The following GTF2E2 variants were observed in gnomAD, a reference collection of about 807,000 sequenced individuals.
GTF2E2 encodes the protein general transcription factor IIE subunit 2, also known as transcription initiation factor IIE subunit beta.
In GTF2E2, 21 loss-of-function variants were observed where a neutral mutation model predicts 40.5. The observed-to-expected ratio is 0.52, with a 90% CI of 0.37 to 0.75. The LOEUF is 0.75. Among genes scored for constraint, GTF2E2 ranks in the 30% least tolerant of loss-of-function variants. GTF2E2 has a pLI of 0.00. For synonymous variants in GTF2E2, 117 were observed against 121.6 expected (o/e 0.96, Z 0.25); for missense variants, 298 against 338.4 (o/e 0.88, Z 0.94).
At chr8:30,637,395 C>T (rs1420393365) in intron 2 of GTF2E2, 1 of 419,742 alleles carries the variant, frequency 2.4e-6, no homozygotes, top group Non-Finnish European at 4.7e-6. Context: ...ACTACTAACT[C>T]AATGTCAAGC....
intron 6 of GTF2E2, among the ~76,000 whole-genome samples, chr8:30,599,955 C>T (rs773256578): frequency 2.6e-5 from 4 of 152,120 alleles, no homozygotes; most frequent in African/African-American, 7.2e-5. Flanking sequence ...TGCACCCCAG[C>T]CTGGTGACAA....
chr8:30,645,355 T>TAC, intron 2 of GTF2E2: 1 of 1,535,716 alleles, frequency 6.5e-7, no homozygotes, highest in Non-Finnish European at 8.7e-7. Flanking sequence ...TGTTTATCAG[T>TAC]ACCTTGGTTT....
At chr8:30,621,660 T>G (rs959965389) in intron 3 of GTF2E2, among the ~76,000 whole-genome samples, 1 of 152,090 alleles carries the variant, frequency 6.6e-6, no homozygotes, top group African/African-American at 2.4e-5. Context: ...TATTGCAAAT[T>G]TGTAGAAATT....
chr8:30,648,777 A>G (rs138036151), intron 2 of GTF2E2, among the ~76,000 whole-genome samples: 77 of 152,334 alleles, frequency 5.1e-4, no homozygotes, highest in African/African-American at 1.7e-3. Flanking sequence ...ACTTCTACCA[A>G]TCCATGATAA....
At chr8:30,598,491 T>C (rs1016845434) in intron 6 of GTF2E2, among the ~76,000 whole-genome samples, 1 of 152,250 alleles carries the variant, frequency 6.6e-6, no homozygotes, top group African/African-American at 2.4e-5. Flanking sequence ...TAAAGTCACT[T>C]GAGCTATTTT....
At chr8:30,598,000 C>T (rs956237891) in intron 6 of GTF2E2, among the ~76,000 whole-genome samples, 36 of 152,170 alleles carry the variant, frequency 2.4e-4, no homozygotes, top group African/African-American at 8.2e-4. Context: ...GAAACTATAT[C>T]CTACCAAAGA....
chr8:30,632,852 A>C (rs1801481751), intron 3 of GTF2E2, among the ~76,000 whole-genome samples: 1 of 152,186 alleles, frequency 6.6e-6, no homozygotes, highest in Non-Finnish European at 1.5e-5. Context: ...GATTTTTGAC[A>C]TATAACTTGG....
chr8:30,603,330 C>T (rs543750405), intron 6 of GTF2E2, among the ~76,000 whole-genome samples: 9 of 151,906 alleles, frequency 5.9e-5, no homozygotes, highest in Middle Eastern at 3.4e-3. Context: ...ATAATAAAGA[C>T]GGTAAATGTA....
At chr8:30,631,329 A>G (rs2979496) in intron 3 of GTF2E2, among the ~76,000 whole-genome samples, 115,020 of 152,168 alleles carry the variant, frequency 0.76, 43,899 homozygotes, top group Middle Eastern at 0.8. Flanking sequence ...GAATTTAAAT[A>G]TAAGTAATTC....
At chr8:30,638,485 T>C (rs1413925244) in intron 2 of GTF2E2, 2 of 152,542 alleles carry the variant, frequency 1.3e-5, no homozygotes, top group Admixed American at 6.5e-5. Context: ...GATTTACTCT[T>C]AAGGGTGGCA....
At chr8:30,591,977 T>C (rs1220563177) in intron 6 of GTF2E2, among the ~76,000 whole-genome samples, 1 of 152,230 alleles carries the variant, frequency 6.6e-6, no homozygotes, top group Non-Finnish European at 1.5e-5. Flanking sequence ...AGCACTGCTA[T>C]AGCTGCATCC....
chr8:30,582,276 G>A (rs1043107780), intron 6 of GTF2E2, among the ~76,000 whole-genome samples: 3 of 152,234 alleles, frequency 2.0e-5, no homozygotes, highest in East Asian at 1.9e-4. Flanking sequence ...CATCTGCCTT[G>A]GCCTCCCGAA....
In GTF2E2 at chr8:30,598,773, C is replaced by A. The variant is rs182360827; in HGVS notation, c.643+8284G>T. On this transcript the variant is annotated intron_variant, in intron 6 of 7. Coordinates refer to ENST00000355904, the MANE Select transcript of GTF2E2 (RefSeq NM_002095.6). ...TCTCAAATTTAATTACTTTTTAAAACATGTGGGGACAAAATGTTCAGTTGA... is the reference window on the plus strand; with the variant it reads ...TCTCAAATTTAATTACTTTTTAAAAAATGTGGGGACAAAATGTTCAGTTGA... 3.4e-3 allele frequency among the ~76,000 whole-genome samples: 522 copies of A among 152,288 alleles called. 6 individuals are homozygous for A. The highest frequency in any genetic ancestry group is 0.012 in the African/African-American group (487 of 41,578).
At chr8:30,623,280 G>A (rs1311693910) in intron 3 of GTF2E2, among the ~76,000 whole-genome samples, 2 of 152,074 alleles carry the variant, frequency 1.3e-5, no homozygotes, top group Non-Finnish European at 2.9e-5. Flanking sequence ...CCACCTATGA[G>A]TGAGAACATG....
In GTF2E2 at chr8:30,647,169, G is replaced by A. The variant is rs544809989; in HGVS notation, c.166+6264C>T. ...AGCTGGTATATTAAGAGGGCTGTGG[G>A]GACAAAAAAAAGCACTAGGTATTAT... On this transcript the variant is annotated intron_variant, in intron 2 of 7. Coordinates refer to ENST00000355904, the MANE Select transcript of GTF2E2 (RefSeq NM_002095.6). Among the ~76,000 whole-genome samples the A allele has an allele frequency of 2.3e-4, 35 of 151,800 alleles. No homozygotes were observed. The East Asian group carries it at 6.2e-3, about 27-fold the overall frequency.
chr8:30,636,680 A>G (rs1208358994), intron 2 of GTF2E2, among the ~76,000 whole-genome samples: 2 of 152,168 alleles, frequency 1.3e-5, no homozygotes, highest in Non-Finnish European at 2.9e-5. Context: ...ATCCTGGCCA[A>G]CATGGTGAAA....
chr8:30,606,775 A>G (rs1199808797), intron 6 of GTF2E2, among the ~76,000 whole-genome samples: 1 of 152,222 alleles, frequency 6.6e-6, no homozygotes, highest in Non-Finnish European at 1.5e-5. Context: ...AAGTCTAAAG[A>G]TAAAGAAATA....
chr8:30,611,139 G>C (rs1829463959), intron 5 of GTF2E2, among the ~76,000 whole-genome samples: 1 of 152,168 alleles, frequency 6.6e-6, no homozygotes, highest in African/African-American at 2.4e-5. Context: ...AAGAACAGAA[G>C]AGACATATCA....
chr8:30,592,553 T>C (rs1828879310), intron 6 of GTF2E2, among the ~76,000 whole-genome samples: 1 of 152,164 alleles, frequency 6.6e-6, no homozygotes, highest in Non-Finnish European at 1.5e-5. Flanking sequence ...AATCTACAGA[T>C]GCTCAAGTCT....
Sources: gnomAD v4.1 joint callset for allele counts (sites outside exome capture counted in the v4.1 genomes callset) on GRCh38, gnomAD v4.1.1 for gene constraint, MANE v1.5 for transcripts, NCBI Gene and HGNC (gene_info 2026-07-23, HGNC 2026-07-21) for gene names.